Variants in FAM227B observed in about 807,000 individuals in gnomAD.
FAM227B encodes the protein family with sequence similarity 227 member B, also known as protein FAM227B.
FAM227B carries 88 observed loss-of-function variants against 73.8 expected under a neutral mutation model. The observed-to-expected ratio is 1.19, with a 90% CI of 1.00 to 1.42. FAM227B has a LOEUF of 1.42. FAM227B is among the 40% of genes most tolerant of loss of function. FAM227B has a pLI of 0.00. For synonymous variants in FAM227B, 210 were observed against 190.5 expected (o/e 1.10, Z -0.84); for missense variants, 632 against 590.9 (o/e 1.07, Z -0.72).
intron 11 of FAM227B, among the ~76,000 whole-genome samples, chr15:49,448,476 G>A (rs905827980): frequency 4.6e-5 from 7 of 151,312 alleles, no homozygotes; most frequent in African/African-American, 1.7e-4. Flanking sequence ...AATTTAAAAA[G>A]CAATTTTAAA....
intron 4 of FAM227B, among the ~76,000 whole-genome samples, chr15:49,588,567 A>G (rs1269700958): frequency 9.4e-6 from 1 of 106,116 alleles, no homozygotes; most frequent in Non-Finnish European, 1.9e-5. Flanking sequence ...ATATATATAT[A>G]TATATATATA....
At chr15:49,378,836 T>A (rs1309341745) in intron 11 of FAM227B, among the ~76,000 whole-genome samples, 2 of 152,198 alleles carry the variant, frequency 1.3e-5, no homozygotes, top group Non-Finnish European at 2.9e-5. Flanking sequence ...TCCAGTACTA[T>A]GTTGAATAAC....
chr15:49,489,071 G>A (rs1445334750), intron 11 of FAM227B: 1 of 165,304 alleles, frequency 6.0e-6, no homozygotes, highest in East Asian at 1.9e-4. Context: ...GGAAGCCACA[G>A]GTTTGTTTTT....
chr15:49,618,624 C>G (rs1413561292), intron 1 of FAM227B, among the ~76,000 whole-genome samples: 1 of 152,100 alleles, frequency 6.6e-6, no homozygotes, highest in East Asian at 1.9e-4. Flanking sequence ...GGTGAAGGGA[C>G]AAGAAGAGTG....
intron 5 of FAM227B, among the ~76,000 whole-genome samples, chr15:49,585,680 C>CG (rs1567638680): frequency 6.7e-6 from 1 of 150,128 alleles, no homozygotes; most frequent in African/African-American, 2.4e-5. Flanking sequence ...CATCACACAC[C>CG]GGGGACTGTT....
chr15:49,520,585 G>A (rs2059710347), intron 10 of FAM227B, among the ~76,000 whole-genome samples: 2 of 152,168 alleles, frequency 1.3e-5, no homozygotes, highest in Non-Finnish European at 2.9e-5. Flanking sequence ...CACAATCATG[G>A]TGGAAAGCAA....
intron 3 of FAM227B, among the ~76,000 whole-genome samples, chr15:49,609,373 T>G (rs1342379510): frequency 6.6e-6 from 1 of 151,558 alleles, no homozygotes; most frequent in East Asian, 1.9e-4. Flanking sequence ...CCAAAAAAGA[T>G]AGAAATGGTA....
At chr15:49,496,148 T>A (rs1454088451) in intron 11 of FAM227B, among the ~76,000 whole-genome samples, 1 of 152,190 alleles carries the variant, frequency 6.6e-6, no homozygotes, top group Non-Finnish European at 1.5e-5. Flanking sequence ...TTGCTAAATA[T>A]CACCTAGTAC....
At chr15:49,506,406 G>A (rs2058586761) in intron 11 of FAM227B, among the ~76,000 whole-genome samples, 1 of 151,928 alleles carries the variant, frequency 6.6e-6, no homozygotes, top group South Asian at 2.1e-4. Context: ...TTAATCCACA[G>A]GCTACAGTTA....
chr15:49,408,999 T>G (rs1012929228), intron 11 of FAM227B, among the ~76,000 whole-genome samples: 8 of 152,206 alleles, frequency 5.3e-5, no homozygotes, highest in Non-Finnish European at 1.2e-4. Flanking sequence ...TTGGATTGCC[T>G]TTATGAAGGA....
chr15:49,354,582 G>C (rs529165349), intron 13 of FAM227B, among the ~76,000 whole-genome samples: 2 of 152,202 alleles, frequency 1.3e-5, no homozygotes, highest in East Asian at 3.9e-4. Context: ...CCCGCACCTG[G>C]CTGGAAGGGT....
At chr15:49,570,340 TCAAA>T (rs2075001793) in intron 8 of FAM227B, among the ~76,000 whole-genome samples, 1 of 151,910 alleles carries the variant, frequency 6.6e-6, no homozygotes, top group African/African-American at 2.4e-5. Context: ...ATCTCACACA[TCAAA>T]CAGTTGTGTG....
intron 11 of FAM227B, among the ~76,000 whole-genome samples, chr15:49,394,253 G>A (rs2047414736): frequency 6.6e-6 from 1 of 152,132 alleles, no homozygotes; most frequent in Admixed American, 6.5e-5. Context: ...GAAATGCTAG[G>A]AAAAGCTGAC....
intron 10 of FAM227B, among the ~76,000 whole-genome samples, chr15:49,524,943 A>G (rs1733006427): frequency 6.6e-6 from 1 of 152,210 alleles, no homozygotes; most frequent in African/African-American, 2.4e-5. Flanking sequence ...AATTGTATCT[A>G]GGAAGTAACT....
intron 5 of FAM227B, among the ~76,000 whole-genome samples, chr15:49,580,077 C>T (rs1452586718): frequency 6.6e-6 from 1 of 151,980 alleles, no homozygotes; most frequent in Non-Finnish European, 1.5e-5. Context: ...AAAACGAGAC[C>T]ACAAAAATAT....
intron 11 of FAM227B, among the ~76,000 whole-genome samples, chr15:49,372,248 A>C (rs1347381552): frequency 6.6e-6 from 1 of 151,574 alleles, no homozygotes; most frequent in Admixed American, 6.6e-5. Flanking sequence ...ATTCACTTAT[A>C]AATAAATGAA....
chr15:49,401,210 C>T (rs1409029039), intron 11 of FAM227B, among the ~76,000 whole-genome samples: 5 of 152,340 alleles, frequency 3.3e-5, no homozygotes, highest in South Asian at 4.1e-4. Flanking sequence ...AGACACTTCT[C>T]AAAAGAAGAC....
At chr15:49,349,733 CCT>C (rs2041987667) in intron 13 of FAM227B, among the ~76,000 whole-genome samples, 1 of 152,126 alleles carries the variant, frequency 6.6e-6, no homozygotes, top group South Asian at 2.1e-4. Flanking sequence ...TAGTCATTGA[CCT>C]CTACTGACTT....
intron 12 of FAM227B, among the ~76,000 whole-genome samples, chr15:49,369,831 T>C (rs1186922358): frequency 6.6e-6 from 1 of 152,232 alleles, no homozygotes; most frequent in Non-Finnish European, 1.5e-5. Flanking sequence ...TCTCTACATA[T>C]TTGAAAACAG....
Sources: gnomAD v4.1 joint callset for allele counts (sites outside exome capture counted in the v4.1 genomes callset) on GRCh38, gnomAD v4.1.1 for gene constraint, MANE v1.5 for transcripts, NCBI Gene and HGNC (gene_info 2026-07-23, HGNC 2026-07-21) for gene names.